SLAMF9: variants seen among roughly 807,000 people sequenced by gnomAD.
The protein encoded by SLAMF9 is SLAM family member 9, also known as CD2 family member 10.
In SLAMF9, 25 loss-of-function variants were observed where a neutral mutation model predicts 30.4. The observed-to-expected ratio is 0.82, with a 90% CI of 0.60 to 1.15. The LOEUF (loss-of-function observed/expected upper bound fraction) is 1.15. Ranked by LOEUF, SLAMF9 falls within the 50% of genes most tolerant of loss-of-function variation. The probability of loss-of-function intolerance (pLI) is 0.00; values close to 1 mark genes in which losing one functional copy is unlikely to be tolerated. For missense variants in SLAMF9, 344 were observed against 346.1 expected (o/e 0.99, Z 0.05); for synonymous variants, 129 against 127.2 (o/e 1.01, Z -0.09).
chr1:159,983,917 C>G, the SLAMF9 span: 1 of 152,198 alleles, frequency 6.6e-6, no homozygotes, highest in Non-Finnish European at 1.5e-5. Context: ...GGGGCCAGGG[C>G]GGAAGAAGAA....
At chr1:159,975,934 G>A in the SLAMF9 span, among the ~76,000 whole-genome samples, 1 of 152,230 alleles carries the variant, frequency 6.6e-6, no homozygotes, top group African/African-American at 2.4e-5. Context: ...GGCATGGCCA[G>A]GTGGAGATAT....
chr1:159,960,190 G>A, the SLAMF9 span, among the ~76,000 whole-genome samples: 10 of 101,238 alleles, frequency 9.9e-5, no homozygotes, highest in East Asian at 2.9e-4. Flanking sequence ...AACAGTCCCC[G>A]GTGTGTGATG....
chr1:159,973,862 C>T, the SLAMF9 span: 2 of 1,612,522 alleles, frequency 1.2e-6, no homozygotes, highest in South Asian at 2.2e-5. Flanking sequence ...ACATCACCTG[C>T]CCAGTGCAGC....
chr1:159,953,720 G>C, intron 1 of SLAMF9, 67 bp from the exon 2 acceptor site: 9 of 1,387,582 alleles, frequency 6.5e-6, no homozygotes, highest in Non-Finnish European at 8.9e-6. Flanking sequence ...CCTGGCAGTG[G>C]AGCTGCCAGA....
At chr1:159,960,010 T>TTATATA in the SLAMF9 span, among the ~76,000 whole-genome samples, 153 of 148,410 alleles carry the variant, frequency 1.0e-3, 1 homozygote, top group Middle Eastern at 3.5e-3. Flanking sequence ...CCTGACTTCT[T>TTATATA]TATATATATA....
chr1:159,965,180 T>TTTCTCC, the SLAMF9 span, among the ~76,000 whole-genome samples: 1 of 152,230 alleles, frequency 6.6e-6, no homozygotes, highest in Non-Finnish European at 1.5e-5. Flanking sequence ...GAAGCTTACA[T>TTTCTCC]TATTGTCAGA....
the SLAMF9 span, among the ~76,000 whole-genome samples, chr1:159,969,802 G>A: frequency 6.6e-6 from 1 of 152,154 alleles, no homozygotes; most frequent in Non-Finnish European, 1.5e-5. Flanking sequence ...CAGCACTTTG[G>A]GAGCCCGAGG....
the SLAMF9 span, among the ~76,000 whole-genome samples, chr1:159,973,586 C>T: frequency 6.6e-6 from 1 of 152,194 alleles, no homozygotes; most frequent in Non-Finnish European, 1.5e-5. Context: ...TCCCAGGAAT[C>T]TCCCCCCTCC....
At chr1:159,969,783 C>T in the SLAMF9 span, among the ~76,000 whole-genome samples, 1 of 152,172 alleles carries the variant, frequency 6.6e-6, no homozygotes, top group Non-Finnish European at 1.5e-5. Context: ...TGGCTCATGC[C>T]TGTAATCCCA....
At chr1:159,976,965 A>AGAAAGAAG in the SLAMF9 span, 16 of 51,144 alleles carry the variant, frequency 3.1e-4, no homozygotes, top group African/African-American at 5.3e-4. Flanking sequence ...AGAAAGAGAA[A>AGAAAGAAG]GAAAGAAGGA....
the SLAMF9 span, chr1:159,973,390 A>G: frequency 4.9e-4 from 250 of 510,488 alleles, 2 homozygotes; most frequent in Non-Finnish European, 1.1e-4. Context: ...GGGAACCCCA[A>G]CGGGAGGCAG....
chr1:159,976,991 AAAG>A, the SLAMF9 span: 1 of 21,108 alleles, frequency 4.7e-5, no homozygotes, highest in Admixed American at 8.7e-4. Flanking sequence ...GGAAAGAAGG[AAAG>A]AAAGAAAGAA....
the SLAMF9 span, among the ~76,000 whole-genome samples, chr1:159,961,666 T>C: frequency 6.6e-6 from 1 of 152,170 alleles, no homozygotes; most frequent in Non-Finnish European, 1.5e-5. Context: ...GAAAAGAGTG[T>C]TCCTCGCAGA....
Position 159,951,664 on chromosome 1 carries a change from G to A in SLAMF9, c.867C>T (p.Ala289=). 5 of 1,613,940 alleles carry A rather than the reference G, an allele frequency of 3.1e-6. No individual in the cohort carries two copies. Among genetic ancestry groups the A allele is most frequent in the Non-Finnish European group, 4.2e-6 (5 of 1,180,008 alleles). Residue 289 remains alanine, a synonymous_variant, in exon 4 of 4, where the codon GCC becomes GCT. Transcript: ENST00000368093. ...RKEAKPGSSP[A] ...GACTGGGGTTCCCAAGGAGCAGTCA[G>A]GCAGGGCTGGAGCCAGGCTTTGCCT...
the SLAMF9 span, among the ~76,000 whole-genome samples, chr1:159,972,011 T>C: frequency 6.6e-6 from 1 of 152,266 alleles, no homozygotes; most frequent in Admixed American, 6.5e-5. Context: ...CAGACCCATG[T>C]CAATGGCTCA....
chr1:159,972,894 C>G, the SLAMF9 span: 1 of 984,656 alleles, frequency 1.0e-6, no homozygotes, highest in Admixed American at 3.1e-5. Context: ...ACCCTGGCTC[C>G]CTCCTCTCCT....
the SLAMF9 span, among the ~76,000 whole-genome samples, chr1:159,976,240 T>C: frequency 6.6e-6 from 1 of 152,090 alleles, no homozygotes; most frequent in Non-Finnish European, 1.5e-5. Flanking sequence ...ATTTGTTAAA[T>C]AAATTATGGT....
At chr1:159,959,921 T>A in the SLAMF9 span, among the ~76,000 whole-genome samples, 1 of 152,080 alleles carries the variant, frequency 6.6e-6, no homozygotes, top group African/African-American at 2.4e-5. Context: ...GTAGCGTAAC[T>A]AAGGCAGGAA....
chr1:159,981,802 C>G, the SLAMF9 span, among the ~76,000 whole-genome samples: 21,694 of 152,306 alleles, frequency 0.14, 1,663 homozygotes, highest in Middle Eastern at 0.21. Flanking sequence ...TAGAAACAGG[C>G]CACTGTGCCT....
Sources: gnomAD v4.1 joint callset for allele counts (sites outside exome capture counted in the v4.1 genomes callset) on GRCh38, gnomAD v4.1.1 for gene constraint, MANE v1.5 for transcripts, NCBI Gene and HGNC (gene_info 2026-07-23, HGNC 2026-07-21) for gene names.